The following TCF12 variants were observed in gnomAD, a reference collection of about 807,000 sequenced individuals.
The protein encoded by TCF12 is DNA-binding protein HTF4.
Under a neutral mutation model 86.0 loss-of-function variants are expected in TCF12, and 45 were observed. That is an observed-to-expected ratio of 0.52 (90% CI 0.41 to 0.67). TCF12 has a LOEUF of 0.67. Ranked by LOEUF, TCF12 falls within the 30% of genes least tolerant of loss-of-function variation. The probability of loss-of-function intolerance (pLI) is 0.00; values close to 1 mark genes in which losing one functional copy is unlikely to be tolerated. For missense variants in TCF12, 881 were observed against 859.9 expected (o/e 1.02, Z -0.31); for synonymous variants, 330 against 299.6 (o/e 1.10, Z -1.05).
intron 3 of TCF12, among the ~76,000 whole-genome samples, chr15:57,045,057 G>A (rs984161063): frequency 1.3e-5 from 2 of 152,132 alleles, no homozygotes; most frequent in Non-Finnish European, 2.9e-5. Flanking sequence ...GTAGAAAACA[G>A]TAACATTTTC....
intron 3 of TCF12, among the ~76,000 whole-genome samples, chr15:56,956,422 C>G (rs1266465992): frequency 2.0e-5 from 3 of 151,844 alleles, no homozygotes; most frequent in Non-Finnish European, 4.4e-5. Context: ...CAATTTTTAT[C>G]AGTGGACTTC....
At chr15:57,199,078 G>A (rs2151750234) in intron 8 of TCF12, among the ~76,000 whole-genome samples, 1 of 152,254 alleles carries the variant, frequency 6.6e-6, no homozygotes, top group South Asian at 2.1e-4. Context: ...CTACCTGGAA[G>A]GTTGGCTTGC....
intron 8 of TCF12, among the ~76,000 whole-genome samples, chr15:57,211,352 C>T (rs2058093193): frequency 6.6e-6 from 1 of 151,950 alleles, no homozygotes; most frequent in Admixed American, 6.6e-5. Context: ...ATTGCTTGAG[C>T]CCAAGAGTTC....
intron 3 of TCF12, among the ~76,000 whole-genome samples, chr15:56,944,344 G>T (rs1297372549): frequency 1.3e-5 from 2 of 152,130 alleles, no homozygotes; most frequent in Non-Finnish European, 1.5e-5. Context: ...TGAAGGCTCT[G>T]GAAATGGGTT....
Position 57,235,636 on chromosome 15 carries a change from T to G in TCF12, c.1035+1529T>G, listed in dbSNP as rs147993673. Among the ~76,000 whole-genome samples the G allele has an allele frequency of 2.5e-3, 374 of 152,294 alleles. 1 individual carries two copies. Among genetic ancestry groups the G allele is most frequent in the African/African-American group, 8.9e-3 (368 of 41,572 alleles). Reference sequence around the variant, plus strand: ...TTTATTCTATACTAAACCTGTAAGGTCTCCAGGTATTTGATTGGCTTGCCA... The same window carrying G: ...TTTATTCTATACTAAACCTGTAAGGGCTCCAGGTATTTGATTGGCTTGCCA... On this transcript the variant is annotated intron_variant, in intron 12 of 20. Transcript: ENST00000333725.
At chr15:57,118,404 T>C (rs1050362801) in intron 5 of TCF12, 4 of 152,224 alleles carry the variant, frequency 2.6e-5, no homozygotes. Flanking sequence ...AAGGTCCTCT[T>C]TTCCCTTTAG....
intron 3 of TCF12, among the ~76,000 whole-genome samples, chr15:57,000,201 ATCTC>A (rs1195296326): frequency 2.6e-5 from 4 of 151,976 alleles, no homozygotes; most frequent in East Asian, 3.9e-4. Flanking sequence ...TAAAGACAGG[ATCTC>A]TCTCTATCAC....
chr15:56,963,400 G>C (rs2061863431), intron 3 of TCF12, among the ~76,000 whole-genome samples: 1 of 152,114 alleles, frequency 6.6e-6, no homozygotes, highest in Admixed American at 6.5e-5. Context: ...GCTGCTTTTT[G>C]TCTGAGGAAA....
At chr15:57,162,972 G>A (rs527890056) in intron 5 of TCF12, among the ~76,000 whole-genome samples, 84 of 152,058 alleles carry the variant, frequency 5.5e-4, no homozygotes, top group African/African-American at 1.9e-3. Context: ...TCAGGAGTTC[G>A]AGACCAGCCT....
At chr15:56,995,543 T>C (rs1481462104) in intron 3 of TCF12, among the ~76,000 whole-genome samples, 3 of 152,060 alleles carry the variant, frequency 2.0e-5, no homozygotes, top group Non-Finnish European at 4.4e-5. Context: ...TGATTAGCTA[T>C]ATTCCTAGAT....
At chr15:56,963,967 A>G (rs1340000898) in intron 3 of TCF12, among the ~76,000 whole-genome samples, 1 of 152,208 alleles carries the variant, frequency 6.6e-6, no homozygotes, top group Non-Finnish European at 1.5e-5. Context: ...GGGTGTGTTG[A>G]CAGGAAAGGA....
chr15:57,243,121 A>C (rs2059705837), intron 12 of TCF12, among the ~76,000 whole-genome samples: 2 of 152,202 alleles, frequency 1.3e-5, no homozygotes, highest in East Asian at 1.9e-4. Context: ...ATTATTTTTA[A>C]AGATACCACT....
chr15:56,978,225 G>A (rs1364570960), intron 3 of TCF12, among the ~76,000 whole-genome samples: 1 of 152,140 alleles, frequency 6.6e-6, no homozygotes, highest in Non-Finnish European at 1.5e-5. Flanking sequence ...TCGAGTAGTA[G>A]TAGTATGTAC....
At chr15:56,925,240 G>GCCCCCCCCCCCCCCCCCCCCCCCC (rs11465192) in intron 3 of TCF12, among the ~76,000 whole-genome samples, 41 of 136,242 alleles carry the variant, frequency 3.0e-4, no homozygotes, top group East Asian at 6.5e-4. Context: ...GGTGTCCACC[G>GCCCCCCCCCCCCCCCCCCCCCCCC]CCCCCCCACC....
intron 3 of TCF12, among the ~76,000 whole-genome samples, chr15:56,959,542 G>A (rs2061651410): frequency 6.6e-6 from 1 of 152,152 alleles, no homozygotes; most frequent in Non-Finnish European, 1.5e-5. Flanking sequence ...TAACCACCTA[G>A]GTTCATGAAA....
At chr15:57,240,581 G>T (rs1249914534) in intron 12 of TCF12, among the ~76,000 whole-genome samples, 3 of 152,028 alleles carry the variant, frequency 2.0e-5, no homozygotes, top group African/African-American at 7.2e-5. Flanking sequence ...GGTTTTCAGT[G>T]GTAAAGAGGT....
chr15:57,137,131 CA>C (rs1446227105), intron 5 of TCF12, among the ~76,000 whole-genome samples: 2 of 152,126 alleles, frequency 1.3e-5, no homozygotes, highest in East Asian at 3.9e-4. Flanking sequence ...AGGCACCTGC[CA>C]CCATGCCCGG....
intron 20 of TCF12, among the ~76,000 whole-genome samples, chr15:57,285,386 A>G (rs960629739): frequency 5.3e-5 from 8 of 152,246 alleles, no homozygotes; most frequent in Non-Finnish European, 1.5e-5. Context: ...AGTTACTGCT[A>G]TATATATTAT....
intron 3 of TCF12, among the ~76,000 whole-genome samples, chr15:57,053,680 G>A (rs75287020): frequency 9.9e-5 from 15 of 150,928 alleles, no homozygotes; most frequent in East Asian, 5.8e-4. Flanking sequence ...TTTGCATAAC[G>A]CCTGTAGCTG....
Sources: gnomAD v4.1 joint callset for allele counts (sites outside exome capture counted in the v4.1 genomes callset) on GRCh38, gnomAD v4.1.1 for gene constraint, MANE v1.5 for transcripts, NCBI Gene and HGNC (gene_info 2026-07-23, HGNC 2026-07-21) for gene names.